Variants in LTBP1 observed in about 807,000 individuals in gnomAD.
LTBP1 encodes the protein latent transforming growth factor beta binding protein 1, also known as latent-transforming growth factor beta-binding protein 1.
A neutral mutation model predicts 207.6 loss-of-function variants in LTBP1; 129 were observed. The observed-to-expected ratio is 0.62, with a 90% CI of 0.54 to 0.72. The LOEUF (loss-of-function observed/expected upper bound fraction) is 0.72, where lower values mean the gene tolerates loss of function less well. Among genes scored for constraint, LTBP1 ranks in the 30% least tolerant of loss-of-function variants. The pLI is 0.00. For missense variants in LTBP1, 2,281 were observed against 2,217.2 expected, an observed-to-expected ratio of 1.03 and a Z score of -0.58; for synonymous variants, 963 against 833.7, an observed-to-expected ratio of 1.16 and a Z score of -2.67.
chr2:33,156,061 A>T (rs1281645402), intron 5 of LTBP1, among the ~76,000 whole-genome samples: 2 of 152,228 alleles, frequency 1.3e-5, no homozygotes, highest in African/African-American at 4.8e-5. Flanking sequence ...TCTCTTCCGT[A>T]TGCCCAGCAC....
intron 3 of LTBP1, among the ~76,000 whole-genome samples, chr2:33,085,231 C>T (rs1017854539): frequency 2.6e-5 from 4 of 152,298 alleles, no homozygotes. Context: ...GGATTTCAGA[C>T]TTCTGGTCTC....
At chr2:33,166,961 C>T (rs2084974916) in intron 5 of LTBP1, among the ~76,000 whole-genome samples, 1 of 152,128 alleles carries the variant, frequency 6.6e-6, no homozygotes, top group African/African-American at 2.4e-5. Flanking sequence ...ACCCTCTACT[C>T]CCTTTTAAAA....
At chr2:32,956,992 AGTG>A (rs1284154602) in intron 2 of LTBP1, among the ~76,000 whole-genome samples, 1 of 152,232 alleles carries the variant, frequency 6.6e-6, no homozygotes, top group African/African-American at 2.4e-5. Context: ...AGGTCTCAAC[AGTG>A]GGGTTAAAAC....
chr2:33,319,379 C>T (rs1009016941), intron 24 of LTBP1, among the ~76,000 whole-genome samples: 2 of 151,178 alleles, frequency 1.3e-5, no homozygotes, highest in East Asian at 1.9e-4. Flanking sequence ...GCCTGGGCAA[C>T]AAGAGTGAAA....
chr2:33,138,448 T>G (rs1160435623), intron 5 of LTBP1, among the ~76,000 whole-genome samples: 1 of 118,772 alleles, frequency 8.4e-6, no homozygotes, highest in Non-Finnish European at 2.0e-5. Flanking sequence ...TGATAATGAC[T>G]TTTTTTTTTT....
chr2:33,176,275 G>T (rs1307727269), intron 5 of LTBP1, among the ~76,000 whole-genome samples: 1 of 152,070 alleles, frequency 6.6e-6, no homozygotes, highest in African/African-American at 2.4e-5. Context: ...CGCGCAGGCT[G>T]GAGTGCAGTG....
intron 9 of LTBP1, among the ~76,000 whole-genome samples, chr2:33,242,210 A>G (rs1300098498): frequency 6.6e-6 from 1 of 152,162 alleles, no homozygotes; most frequent in East Asian, 1.9e-4. Flanking sequence ...ATAGTGATTG[A>G]GGGCTGTATT....
chr2:33,311,070 C>T (rs575546756), intron 23 of LTBP1, among the ~76,000 whole-genome samples: 2 of 152,018 alleles, frequency 1.3e-5, no homozygotes, highest in African/African-American at 2.4e-5. Flanking sequence ...TATATCTCAT[C>T]TCACATGTCC....
chr2:33,320,683 C>G (rs2094341570), intron 24 of LTBP1, among the ~76,000 whole-genome samples: 1 of 152,156 alleles, frequency 6.6e-6, no homozygotes, highest in African/African-American at 2.4e-5. Flanking sequence ...AACATGAATT[C>G]TATTGTCCAG....
At chr2:33,160,095 T>G (rs1160698063) in intron 5 of LTBP1, among the ~76,000 whole-genome samples, 1 of 152,156 alleles carries the variant, frequency 6.6e-6, no homozygotes, top group African/African-American at 2.4e-5. Flanking sequence ...GCCAGGCTGG[T>G]CTTGAACTCC....
chr2:33,369,552 C>G (rs2095042412), intron 31 of LTBP1, among the ~76,000 whole-genome samples: 1 of 143,704 alleles, frequency 7.0e-6, no homozygotes. Context: ...AGGGAGGTAG[C>G]CCCAAAGGAA....
At chr2:32,991,271 G>A (rs771443859) in intron 2 of LTBP1, among the ~76,000 whole-genome samples, 18 of 152,248 alleles carry the variant, frequency 1.2e-4, no homozygotes, top group Middle Eastern at 6.8e-3. Flanking sequence ...TGGATCTTAG[G>A]TGGCCAGAAT....
At chr2:33,374,762 G>A (rs1333313487) in intron 31 of LTBP1, among the ~76,000 whole-genome samples, 1 of 152,112 alleles carries the variant, frequency 6.6e-6, no homozygotes, top group African/African-American at 2.4e-5. Flanking sequence ...GACCAGCCTG[G>A]CCAATATGGT....
rs115966187 is a variant in LTBP1 at position 33,313,672 on chromosome 2, A to G, written c.3605-1472A>G. On this transcript the variant is annotated intron_variant, in intron 23 of 33. Coordinates refer to ENST00000404816, the MANE Select transcript of LTBP1 (RefSeq NM_206943.4). ...ATGCTGCTGCTAAGGACATGGGATC[A>G]TTTTTATGACCCCCAATTAACTAAA... 5.3e-3 allele frequency among the ~76,000 whole-genome samples: 810 copies of G among 152,320 alleles called. 9 individuals are homozygous for G. Among genetic ancestry groups the G allele is most frequent in the African/African-American group, 0.019 (778 of 41,574 alleles).
At chr2:33,029,088 T>C (rs888839958) in intron 3 of LTBP1, among the ~76,000 whole-genome samples, 7 of 152,108 alleles carry the variant, frequency 4.6e-5, no homozygotes, top group Admixed American at 2.0e-4. Flanking sequence ...AGTTCTAGAG[T>C]AGTGTGAGTA....
chr2:33,236,085 C>T (rs909588824), intron 9 of LTBP1, among the ~76,000 whole-genome samples: 4 of 152,056 alleles, frequency 2.6e-5, no homozygotes, highest in Admixed American at 2.6e-4. Flanking sequence ...ATATATTGTT[C>T]TTGGTATATG....
At chr2:33,089,795 A>G (rs2078976424) in intron 3 of LTBP1, among the ~76,000 whole-genome samples, 1 of 152,224 alleles carries the variant, frequency 6.6e-6, no homozygotes, top group Admixed American at 6.5e-5. Flanking sequence ...TATCAGGGAC[A>G]CTTTTCACCA....
intron 19 of LTBP1, among the ~76,000 whole-genome samples, chr2:33,290,061 T>A (rs1185760197): frequency 6.6e-6 from 1 of 152,218 alleles, no homozygotes; most frequent in Non-Finnish European, 1.5e-5. Context: ...AGCCTTGTGC[T>A]GCGTCTTAAT....
chr2:32,996,379 A>G (rs2148916779), intron 2 of LTBP1, among the ~76,000 whole-genome samples: 1 of 151,974 alleles, frequency 6.6e-6, no homozygotes, highest in African/African-American at 2.4e-5. Context: ...TGACCTAATC[A>G]CCCTCCAAAG....
Sources: gnomAD v4.1 joint callset for allele counts (sites outside exome capture counted in the v4.1 genomes callset) on GRCh38, gnomAD v4.1.1 for gene constraint, MANE v1.5 for transcripts, NCBI Gene and HGNC (gene_info 2026-07-23, HGNC 2026-07-21) for gene names.